ERO1B: variants seen among roughly 807,000 people sequenced by gnomAD.
ERO1B encodes the protein ERO1-like protein beta.
In ERO1B, 49 loss-of-function variants were observed where a neutral mutation model predicts 75.3. That is an observed-to-expected ratio of 0.65 (90% CI 0.52 to 0.83). The LOEUF (loss-of-function observed/expected upper bound fraction) is 0.83. ERO1B is among the 40% of genes least tolerant of loss of function. The pLI is 0.00. For synonymous variants in ERO1B, 191 were observed against 192.9 expected (o/e 0.99, Z 0.08); for missense variants, 512 against 560.1 (o/e 0.91, Z 0.87).
intron 15 of ERO1B, chr1:236,220,493 TTTAA>T (rs1172927107): frequency 2.5e-5 from 4 of 161,896 alleles, no homozygotes; most frequent in African/African-American, 9.6e-5. Context: ...AGATGAAGGT[TTTAA>T]TTTTCTTTTA....
Position 236,245,294 on chromosome 1 carries a change from CAA to C in ERO1B, c.432-1801_432-1800del, listed in dbSNP as rs869186360. On this transcript the variant is annotated intron_variant, in intron 5 of 15. Transcript: ENST00000354619. ...ACAGGTGTGAGTCACCATGCCCAGT[CAA>C]AATATATATATATATATATATATAT... Among the ~76,000 whole-genome samples, 495 of 49,344 alleles carry C rather than the reference CAA, an allele frequency of 0.01. 65 individuals are homozygous for C. In the East Asian group the frequency reaches 0.17, roughly 17 times the overall value. The allele number at this position is 49,344 out of a possible 152,430, so 32.4% of individuals were successfully genotyped here.
At chr1:236,260,678 A>AC (rs997421813) in intron 2 of ERO1B, among the ~76,000 whole-genome samples, 8 of 151,840 alleles carry the variant, frequency 5.3e-5, no homozygotes, top group African/African-American at 1.7e-4. Context: ...AAAAAAAAAA[A>AC]AGACAGACAG....
intron 8 of ERO1B, 110 bp downstream of exon 8, chr1:236,235,678 CA>C: frequency 1.1e-6 from 1 of 927,192 alleles, no homozygotes; most frequent in Non-Finnish European, 1.6e-6. Context: ...TTTTGTTCAT[CA>C]TTCAAATTAA....
intron 2 of ERO1B, among the ~76,000 whole-genome samples, chr1:236,260,229 T>C (rs898243088): frequency 6.6e-6 from 1 of 152,094 alleles, no homozygotes; most frequent in Admixed American, 6.5e-5. Flanking sequence ...TATGTTCCAA[T>C]AAATTGGATA....
At position 236,281,682 on chromosome 1, in the gene ERO1B, C is replaced by T; in HGVS notation, c.102G>A (p.Gln34=). 6.8e-7 allele frequency: 1 copy of T among 1,477,012 alleles called. No homozygotes were observed. Among genetic ancestry groups the T allele is most frequent in the South Asian group, 1.3e-5 (1 of 78,342 alleles). 91.5% of individuals were successfully genotyped at this position (1,477,012 alleles called of 1,614,324 possible). A position where few individuals can be genotyped will look rare whatever the true frequency, so the allele number is the denominator to read the frequency against. ...CCGGCCCGCTATCACTCGGGCTTAC[C>T]TGCGCCTCGACGACGCTCCGCAGGA... ...LSFLRSVVEA[Q]VTGVLDDCLC... is the part of the protein sequence containing the mutation. Residue 34 remains glutamine (Q), a splice_region_variant and synonymous_variant, in exon 1 of 16, where the codon CAG becomes CAA. Coordinates refer to ENST00000354619, the MANE Select transcript of ERO1B (RefSeq NM_019891.4).
At chr1:236,277,025 G>A (rs1665723118) in intron 1 of ERO1B, among the ~76,000 whole-genome samples, 1 of 152,158 alleles carries the variant, frequency 6.6e-6, no homozygotes, top group Admixed American at 6.5e-5. Flanking sequence ...GGCCTCGCCA[G>A]CCATGCTTCC....
intron 2 of ERO1B, among the ~76,000 whole-genome samples, chr1:236,268,608 C>G (rs112829564): frequency 6.6e-6 from 1 of 152,110 alleles, no homozygotes; most frequent in Non-Finnish European, 1.5e-5. Flanking sequence ...AAAACAAGGC[C>G]GGGCGCGGTG....
At chr1:236,223,599 T>C (rs935465175) in intron 13 of ERO1B, among the ~76,000 whole-genome samples, 5 of 152,206 alleles carry the variant, frequency 3.3e-5, no homozygotes, top group Admixed American at 3.3e-4. Context: ...AGGTTCTCCT[T>C]CATACATTCT....
At chr1:236,255,588 G>A (rs1412059850) in intron 2 of ERO1B, among the ~76,000 whole-genome samples, 1 of 152,110 alleles carries the variant, frequency 6.6e-6, no homozygotes, top group African/African-American at 2.4e-5. Flanking sequence ...TTACAGAGAA[G>A]AAGGCAAAAA....
chr1:236,281,562 G>T, intron 1 of ERO1B, 120 bp downstream of exon 1: 1 of 521,904 alleles, frequency 1.9e-6, no homozygotes, highest in East Asian at 3.9e-5. Flanking sequence ...CTGCTCGCCA[G>T]AAATCACCTC....
At chr1:236,232,746 T>C (rs1054362577) in intron 9 of ERO1B, 82 bp downstream of exon 9, 24 of 1,312,686 alleles carry the variant, frequency 1.8e-5, no homozygotes, top group South Asian at 5.9e-5. Flanking sequence ...TTCTTTTGAA[T>C]TCCATAAAGG....
At chr1:236,268,448 C>CA (rs925678440) in intron 2 of ERO1B, among the ~76,000 whole-genome samples, 6 of 147,858 alleles carry the variant, frequency 4.1e-5, no homozygotes, top group African/African-American at 7.4e-5. Context: ...TAAAAAAAAA[C>CA]AAAAAAAAAT....
intron 5 of ERO1B, among the ~76,000 whole-genome samples, chr1:236,247,635 C>T (rs1264109524): frequency 2.0e-5 from 3 of 152,092 alleles, no homozygotes; most frequent in Non-Finnish European, 2.9e-5. Flanking sequence ...AGTTTTATTC[C>T]ACCCAGTCTA....
intron 1 of ERO1B, among the ~76,000 whole-genome samples, chr1:236,270,524 A>G (rs1203752164): frequency 6.6e-6 from 1 of 152,180 alleles, no homozygotes; most frequent in Non-Finnish European, 1.5e-5. Context: ...TTTCCAAAGT[A>G]GAAATGGAAC....
At position 236,216,227 on chromosome 1, in the gene ERO1B, G is replaced by A. The variant is rs1663971162; in HGVS notation, c.*2289C>T. 6.6e-6 allele frequency: 1 copy of A among 152,090 alleles called. No individual in the cohort carries two copies. The highest frequency in any genetic ancestry group is 2.1e-4 in the South Asian group (1 of 4,826). The allele number at this position is 152,090 out of a possible 1,614,324, so 9.4% of individuals were successfully genotyped here. ...TGTCAGTTATATTATCAAGTGCTGG[G>A]TTTTTAAATTAGGTGATGAGATAAA... is the stretch of plus-strand genomic sequence containing the variant. On this transcript the variant is annotated 3_prime_UTR_variant, in exon 16 of 16. Transcript: ENST00000354619.
intron 5 of ERO1B, among the ~76,000 whole-genome samples, chr1:236,245,214 C>CA (rs1297981001): frequency 1.4e-5 from 2 of 145,620 alleles, no homozygotes; most frequent in Non-Finnish European, 3.0e-5. Context: ...AGGCTGGTCT[C>CA]AAACTCCTGG....
rs1409768089 is a variant in ERO1B, at chr1:236,217,957, CTA to C, written c.*557_*558del. The C allele has an allele frequency of 1.3e-5, 2 of 152,134 alleles. No individual in the cohort carries two copies. Among genetic ancestry groups the C allele is most frequent in the East Asian group, 3.8e-4 (2 of 5,206 alleles). 9.4% of individuals were successfully genotyped at this position (152,134 alleles called of 1,614,324 possible). A position where few individuals can be genotyped will look rare whatever the true frequency, so the allele number is the denominator to read the frequency against. ...GGGGAATCTTCAGGAATTTCTGTAA[CTA>C]TGCATTGAAAGGGCCATTCATCATG... On this transcript the variant is annotated 3_prime_UTR_variant, in exon 16 of 16. Coordinates refer to ENST00000354619, the MANE Select transcript of ERO1B (RefSeq NM_019891.4).
chr1:236,225,543 G>GT (rs1664257698), intron 12 of ERO1B, among the ~76,000 whole-genome samples: 1 of 152,110 alleles, frequency 6.6e-6, no homozygotes, highest in South Asian at 2.1e-4. Context: ...TTGACCAAGC[G>GT]TTTTGTTTAA....
chr1:236,250,070 A>G (rs1461171029), intron 4 of ERO1B, 103 bp from the exon 5 acceptor site: 4 of 606,732 alleles, frequency 6.6e-6, no homozygotes, highest in Non-Finnish European at 8.0e-6. Context: ...TACACTAAAT[A>G]TACATACATT....
Sources: gnomAD v4.1 joint callset for allele counts (sites outside exome capture counted in the v4.1 genomes callset) on GRCh38, gnomAD v4.1.1 for gene constraint, MANE v1.5 for transcripts, NCBI Gene and HGNC (gene_info 2026-07-23, HGNC 2026-07-21) for gene names.